TBC1D19: variants seen among roughly 807,000 people sequenced by gnomAD.
TBC1D19 encodes TBC1 domain family member 19.
A neutral mutation model predicts 89.0 loss-of-function variants in TBC1D19; 60 were observed. The ratio of observed to expected loss-of-function variants is 0.67; its 90% CI spans 0.55 to 0.84. TBC1D19 has a LOEUF of 0.84. TBC1D19 is among the 40% of genes least tolerant of loss of function. TBC1D19 has a pLI of 0.00. For synonymous variants in TBC1D19, 189 were observed against 199.7 expected (o/e 0.95, Z 0.45); for missense variants, 500 against 610.8 (o/e 0.82, Z 1.91).
At chr4:26,797,845 CAGA>C in the TBC1D19 span, among the ~76,000 whole-genome samples, 4 of 152,230 alleles carry the variant, frequency 2.6e-5, no homozygotes, top group Admixed American at 6.5e-5. Flanking sequence ...TCGACATATG[CAGA>C]AGAATGAACC....
rs781403101 is a variant in TBC1D19, at chr4:26,688,358, C to T, written c.905C>T (p.Thr302Ile). ...DSLIYKDVKL[T>I]ASNDDYYFVF... is the part of the protein sequence containing the mutation. ...TTTTAATTATAGGATGTGAAGTTGA[C>T]AGCAAGCAATGATGATTATTATTTT... The change falls in exon 13 of 21, where the codon ACA becomes ATA. Residue 302 changes from threonine to isoleucine, a missense_variant. Physicochemically the swap from Thr to Ile is moderately conservative, Grantham distance 89. This residue lies in a region of TBC1D19 where 220 missense variants were observed against 319.1 expected (regional missense o/e 0.69). Coordinates refer to ENST00000264866, the MANE Select transcript of TBC1D19 (RefSeq NM_018317.4). The T allele has an allele frequency of 1.9e-6, 3 of 1,569,548 alleles. No individual in the cohort carries two copies. The highest frequency in any genetic ancestry group is 2.7e-5 in the African/African-American group (2 of 73,766).
chr4:26,748,979 C>A (rs188562962), intron 19 of TBC1D19, among the ~76,000 whole-genome samples: 254 of 152,336 alleles, frequency 1.7e-3, no homozygotes, highest in African/African-American at 5.9e-3. Flanking sequence ...TCTTCTGTGT[C>A]TATTTATAAA....
chr4:26,834,757 T>A, the TBC1D19 span, among the ~76,000 whole-genome samples: 1 of 152,208 alleles, frequency 6.6e-6, no homozygotes, highest in Admixed American at 6.5e-5. Context: ...AGGTTTTTCC[T>A]CTTTTCTTTT....
At chr4:26,792,355 A>G in the TBC1D19 span, among the ~76,000 whole-genome samples, 18 of 152,226 alleles carry the variant, frequency 1.2e-4, no homozygotes, top group Non-Finnish European at 2.2e-4. Flanking sequence ...CAACGTGGAA[A>G]CTACTAGGGA....
intron 17 of TBC1D19, chr4:26,740,821 T>C (rs1718322048): frequency 1.0e-6 from 1 of 985,442 alleles, no homozygotes; most frequent in Non-Finnish European, 1.2e-6. Flanking sequence ...AAATAGCTGT[T>C]CTTTATCCCC....
chr4:26,818,000 ATATG>A, the TBC1D19 span, among the ~76,000 whole-genome samples: 10 of 146,186 alleles, frequency 6.8e-5, no homozygotes, highest in African/African-American at 1.0e-4. Flanking sequence ...ATATATATAT[ATATG>A]AATAGTATTC....
At chr4:26,677,615 A>T (rs1175517499) in intron 11 of TBC1D19, among the ~76,000 whole-genome samples, 2 of 152,022 alleles carry the variant, frequency 1.3e-5, no homozygotes, top group Admixed American at 1.3e-4. Flanking sequence ...AAATCTGGTG[A>T]TATGGTTTGG....
At chr4:26,812,142 G>A in the TBC1D19 span, among the ~76,000 whole-genome samples, 1 of 152,174 alleles carries the variant, frequency 6.6e-6, no homozygotes, top group Non-Finnish European at 1.5e-5. The surrounding 1 kb of genome is among the most constrained non-coding windows in gnomAD (Gnocchi z 4.2). Flanking sequence ...TGGGCCAGCA[G>A]GAACACAGGG....
chr4:26,668,110 T>C (rs1711972525), intron 9 of TBC1D19, among the ~76,000 whole-genome samples: 1 of 151,940 alleles, frequency 6.6e-6, no homozygotes, highest in Non-Finnish European at 1.5e-5. Context: ...TACCCTGTGC[T>C]GCCTCCCTCC....
chr4:26,718,881 T>A (rs1716807593), intron 14 of TBC1D19, among the ~76,000 whole-genome samples: 1 of 152,116 alleles, frequency 6.6e-6, no homozygotes, highest in Non-Finnish European at 1.5e-5. Flanking sequence ...TTTGACCAGT[T>A]GATACTGTCC....
chr4:26,644,831 A>G (rs1743804585), intron 7 of TBC1D19, among the ~76,000 whole-genome samples: 1 of 152,246 alleles, frequency 6.6e-6, no homozygotes, highest in Non-Finnish European at 1.5e-5. Context: ...AATTGCTACA[A>G]AGAGAATAAA....
intron 15 of TBC1D19, 143 bp from the exon 16 acceptor site, chr4:26,735,312 T>C: frequency 1.6e-6 from 1 of 615,060 alleles, no homozygotes; most frequent in Non-Finnish European, 2.8e-6. Context: ...TATTGTTTAC[T>C]ATCACTAAGT....
chr4:26,638,837 A>G lies in TBC1D19; in HGVS notation c.433+3A>G, dbSNP rs1743304645. ...TGAAATGGGAACTGATGAACCAGGT[A>G]TGTGAACAATTTTTTCTGAATGTAG... On this transcript the variant is annotated splice_donor_region_variant and intron_variant, in intron 6 of 20. Coordinates refer to ENST00000264866, the MANE Select transcript of TBC1D19 (RefSeq NM_018317.4). 6.2e-7 allele frequency: 1 copy of G among 1,603,856 alleles called. No homozygotes were observed. The highest frequency in any genetic ancestry group is 8.5e-7 in the Non-Finnish European group (1 of 1,176,158).
the TBC1D19 span, among the ~76,000 whole-genome samples, chr4:26,829,852 C>G: frequency 6.6e-6 from 1 of 152,134 alleles, no homozygotes; most frequent in Admixed American, 6.5e-5. Context: ...TTTGCATTCC[C>G]GGAATGACTT....
intron 4 of TBC1D19, among the ~76,000 whole-genome samples, chr4:26,623,427 G>A (rs1358890098): frequency 6.6e-6 from 1 of 152,052 alleles, no homozygotes; most frequent in Non-Finnish European, 1.5e-5. Context: ...TTTCATGCTT[G>A]TGTGGCCCCT....
At chr4:26,664,883 C>T (rs961333018) in intron 8 of TBC1D19, among the ~76,000 whole-genome samples, 8 of 152,080 alleles carry the variant, frequency 5.3e-5, no homozygotes, top group African/African-American at 1.9e-4. Flanking sequence ...GAGTTACAAA[C>T]CCCGTGTTTA....
upstream of TBC1D19, among the ~76,000 whole-genome samples, chr4:26,580,062 T>C (rs527870112): frequency 1.3e-5 from 2 of 152,254 alleles, no homozygotes; most frequent in East Asian, 1.9e-4. Context: ...CTCCTGTAAG[T>C]TTTCCCTTTT....
In TBC1D19 at chr4:26,663,810, T is replaced by A. The variant is rs16878531; in HGVS notation, c.592-2523T>A. On this transcript the variant is annotated intron_variant, in intron 8 of 20. Coordinates refer to ENST00000264866, the MANE Select transcript of TBC1D19 (RefSeq NM_018317.4). ...TGACCCTGGTCTGTCTGTGCGAGTA[T>A]TGAACTTGGTGAGGCTCAGTGAGTC... is the stretch of plus-strand genomic sequence containing the variant. Among the ~76,000 whole-genome samples the A allele has an allele frequency of 6.4e-3, 982 of 152,290 alleles. 9 individuals are homozygous for A. Among genetic ancestry groups the A allele is most frequent in the African/African-American group, 0.023 (941 of 41,572 alleles).
At chr4:26,579,514 T>C (rs944222362), upstream of TBC1D19, among the ~76,000 whole-genome samples, 1 of 152,044 alleles carries the variant, frequency 6.6e-6, no homozygotes, top group African/African-American at 2.4e-5. Flanking sequence ...AAATTTTACT[T>C]TAAGTTCCGG....
Sources: gnomAD v4.1 joint callset for allele counts (sites outside exome capture counted in the v4.1 genomes callset) on GRCh38, gnomAD v4.1.1 for gene constraint, gnomAD v4.1.1 regional missense constraint, Gnocchi (gnomAD v3.1) non-coding constraint, MANE v1.5 for transcripts, NCBI Gene and HGNC (gene_info 2026-07-23, HGNC 2026-07-21) for gene names.